The following FAM185A variants were observed in gnomAD, a reference collection of about 807,000 sequenced individuals.
FAM185A encodes protein FAM185A.
A neutral mutation model predicts 45.7 loss-of-function variants in FAM185A; 21 were observed. The observed-to-expected ratio is 0.46, with a 90% CI of 0.33 to 0.66. FAM185A has a LOEUF of 0.66. Ranked by LOEUF, FAM185A falls within the 30% of genes least tolerant of loss-of-function variation. The pLI, the probability that FAM185A is intolerant of heterozygous loss-of-function variation, is 0.03. For missense variants in FAM185A, 305 were observed against 485.4 expected, an observed-to-expected ratio of 0.63 and a Z score of 3.49; for synonymous variants, 117 against 194.0, an observed-to-expected ratio of 0.60 and a Z score of 3.30.
chr7:102,758,922 A>G (rs1160857150), intron 3 of FAM185A, among the ~76,000 whole-genome samples: 1 of 152,156 alleles, frequency 6.6e-6, no homozygotes, highest in East Asian at 1.9e-4. Context: ...TATTGTTGGC[A>G]TAATTAAACA....
downstream of FAM185A, among the ~76,000 whole-genome samples, chr7:102,811,501 A>G (rs1052459412): frequency 5.9e-5 from 9 of 152,144 alleles, no homozygotes; most frequent in Admixed American, 5.9e-4. Flanking sequence ...GAATGAATGA[A>G]TGTGTCTTCT....
the FAM185A span, among the ~76,000 whole-genome samples, chr7:102,838,244 A>G: frequency 0.022 from 3,330 of 152,320 alleles, 52 homozygotes; most frequent in Non-Finnish European, 0.033. Flanking sequence ...TGGTGTGGGA[A>G]TAACACAGGA....
At chr7:102,849,082 C>T in the FAM185A span, among the ~76,000 whole-genome samples, 6 of 152,164 alleles carry the variant, frequency 3.9e-5, no homozygotes, top group Admixed American at 6.5e-5. Context: ...ACTTCTAATA[C>T]GTCTGAACTG....
intron 7 of FAM185A, among the ~76,000 whole-genome samples, chr7:102,797,477 A>T (rs1243258838): frequency 6.6e-6 from 1 of 152,276 alleles, no homozygotes; most frequent in East Asian, 1.9e-4. Context: ...CTCCGTCTCA[A>T]AAAACAAACA....
chr7:102,774,776 T>A (rs1466607920), intron 5 of FAM185A, among the ~76,000 whole-genome samples: 1 of 152,122 alleles, frequency 6.6e-6, no homozygotes, highest in East Asian at 1.9e-4. Flanking sequence ...TTTATTATTT[T>A]AAAAAATAGA....
chr7:102,849,488 T>C, the FAM185A span, among the ~76,000 whole-genome samples: 2 of 152,236 alleles, frequency 1.3e-5, no homozygotes, highest in African/African-American at 4.8e-5. Flanking sequence ...AAGCGAATTA[T>C]GTAGTGTGTA....
chr7:102,820,916 C>T, the FAM185A span, among the ~76,000 whole-genome samples: 1 of 152,226 alleles, frequency 6.6e-6, no homozygotes, highest in Non-Finnish European at 1.5e-5. Flanking sequence ...CACATTCAAA[C>T]CATAGCATCA....
chr7:102,817,448 G>T, the FAM185A span, among the ~76,000 whole-genome samples: 1 of 152,000 alleles, frequency 6.6e-6, no homozygotes, highest in Non-Finnish European at 1.5e-5. Flanking sequence ...ACTTTTTAAT[G>T]GGCTTATTTG....
chr7:102,838,429 T>A, the FAM185A span, among the ~76,000 whole-genome samples: 1 of 152,054 alleles, frequency 6.6e-6, no homozygotes, highest in Non-Finnish European at 1.5e-5. Context: ...CCAAACTTTT[T>A]AAATCATGAA....
the FAM185A span, among the ~76,000 whole-genome samples, chr7:102,831,576 G>C: frequency 2.0e-5 from 3 of 152,116 alleles, no homozygotes; most frequent in South Asian, 2.1e-4. Context: ...GGAATCTAGA[G>C]ATCTATCTAC....
chr7:102,765,438 A>G (rs1794329347), intron 4 of FAM185A, among the ~76,000 whole-genome samples: 1 of 152,114 alleles, frequency 6.6e-6, no homozygotes, highest in African/African-American at 2.4e-5. Context: ...CTTCCATGAA[A>G]GGAAACAAGA....
chr7:102,751,734 A>G lies in FAM185A; in HGVS notation c.494A>G (p.Gln165Arg), dbSNP rs1389036238. The part of the protein sequence containing the change: ...KSSGSGCVKV[Q>R]SIEGDNCKIE... The stretch of plus-strand genomic sequence containing the variant: ...TCAGGGTCTGGCTGTGTAAAAGTTC[A>G]AAGTATTGAGGGTGATAATTGCAAA... The change falls in exon 2 of 8, where the codon CAA (glutamine) becomes CGA (arginine). Residue 165 changes from glutamine to arginine, a missense_variant. By Grantham distance (43) the Gln-to-Arg change is conservative. This residue lies in a region of FAM185A where 174 missense variants were observed against 247.1 expected (regional missense o/e 0.70). Coordinates refer to ENST00000413034, the MANE Select transcript of FAM185A (RefSeq NM_001145268.2). 10 of 1,551,436 alleles carry G rather than the reference A, an allele frequency of 6.4e-6. No individual in the cohort carries two copies. The highest frequency in any genetic ancestry group is 8.7e-6 in the Non-Finnish European group (10 of 1,146,780).
At chr7:102,798,710 T>C (rs1403084441) in intron 7 of FAM185A, among the ~76,000 whole-genome samples, 1 of 152,156 alleles carries the variant, frequency 6.6e-6, no homozygotes, top group African/African-American at 2.4e-5. Flanking sequence ...TTTCCTGTTC[T>C]TTCCTCCACA....
chr7:102,755,852 C>G, intron 2 of FAM185A: 1 of 648,146 alleles, frequency 1.5e-6, no homozygotes, highest in Non-Finnish European at 2.8e-6. Context: ...GTCACTGGGA[C>G]GGCAATGTCC....
downstream of FAM185A, among the ~76,000 whole-genome samples, chr7:102,809,405 A>G (rs1797306073): frequency 6.6e-6 from 1 of 152,190 alleles, no homozygotes; most frequent in Non-Finnish European, 1.5e-5. Context: ...TTTAAATTAT[A>G]TAATACTGGC....
chr7:102,777,448 T>C, intron 6 of FAM185A, 100 bp downstream of exon 6: 1 of 749,268 alleles, frequency 1.3e-6, no homozygotes, highest in Non-Finnish European at 2.0e-6. Context: ...GACATAGTGA[T>C]TTCAAGAAAA....
At chr7:102,832,924 G>A in the FAM185A span, 3 of 1,614,234 alleles carry the variant, frequency 1.9e-6, no homozygotes, top group South Asian at 3.3e-5. Context: ...ACAGCTGGGA[G>A]CAATAAGAGA....
At chr7:102,820,702 T>A in the FAM185A span, among the ~76,000 whole-genome samples, 1 of 152,210 alleles carries the variant, frequency 6.6e-6, no homozygotes, top group Non-Finnish European at 1.5e-5. Context: ...GGAAGTCCAA[T>A]ATCATCCCAT....
downstream of FAM185A, among the ~76,000 whole-genome samples, chr7:102,811,020 G>C (rs917477561): frequency 3.3e-5 from 5 of 152,176 alleles, no homozygotes; most frequent in East Asian, 9.6e-4. Context: ...ATACAAGTCT[G>C]AAAGATACTC....
Sources: allele counts gnomAD v4.1 joint callset (sites outside exome capture counted in the v4.1 genomes callset), GRCh38; gene constraint gnomAD v4.1.1; regional missense constraint gnomAD v4.1.1; transcripts MANE v1.5; gene names NCBI Gene and HGNC (gene_info 2026-07-23, HGNC 2026-07-21).